The following PARN variants were observed in gnomAD, a reference collection of about 807,000 sequenced individuals.
The protein encoded by PARN is poly(A)-specific ribonuclease PARN.
A neutral mutation model predicts 102.8 loss-of-function variants in PARN; 71 were observed. That is an observed-to-expected ratio of 0.69 (90% confidence interval 0.57 to 0.84). PARN has a LOEUF of 0.84. Among genes scored for constraint, PARN ranks in the 40% least tolerant of loss-of-function variants. The probability of loss-of-function intolerance (pLI) is 0.00; values close to 1 mark genes in which losing one functional copy is unlikely to be tolerated. For missense variants in PARN, 782 were observed against 760.9 expected (o/e 1.03, Z -0.33); for synonymous variants, 261 against 252.9 (o/e 1.03, Z -0.30).
chr16:14,534,692 C>T (rs1966534698), intron 21 of PARN, among the ~76,000 whole-genome samples: 1 of 152,068 alleles, frequency 6.6e-6, no homozygotes, highest in Non-Finnish European at 1.5e-5. Flanking sequence ...GGAGGAGTAG[C>T]AGCTGCTCCT....
chr16:14,473,407 C>T (rs1374642204), intron 22 of PARN, among the ~76,000 whole-genome samples: 1 of 152,190 alleles, frequency 6.6e-6, no homozygotes, highest in Non-Finnish European at 1.5e-5. Context: ...AGAGATTTTG[C>T]TGTGGCGGCT....
chr16:14,536,733 G>C (rs1424454890), intron 21 of PARN, among the ~76,000 whole-genome samples: 1 of 152,130 alleles, frequency 6.6e-6, no homozygotes, highest in Admixed American at 6.5e-5. Flanking sequence ...AGTGGTATGT[G>C]AAACGCTTGT....
chr16:14,521,330 G>A (rs16963767), intron 21 of PARN, among the ~76,000 whole-genome samples: 13,151 of 152,220 alleles, frequency 0.086, 947 homozygotes, highest in African/African-American at 0.2. Flanking sequence ...TTGCCAAAAA[G>A]TTCTATGGCC....
At chr16:14,547,576 A>C (rs2151698675) in intron 21 of PARN, among the ~76,000 whole-genome samples, 1 of 152,120 alleles carries the variant, frequency 6.6e-6, no homozygotes, top group South Asian at 2.1e-4. Context: ...GGGTGTGGTG[A>C]GTGCACACCT....
chr16:14,461,146 A>G (rs545806169), intron 22 of PARN, among the ~76,000 whole-genome samples: 60 of 152,334 alleles, frequency 3.9e-4, no homozygotes, highest in African/African-American at 1.3e-3. Flanking sequence ...TAGCTGGCCA[A>G]TTTCATCCTG....
chr16:14,444,125 C>T (rs1416242097), intron 23 of PARN, among the ~76,000 whole-genome samples: 3 of 152,156 alleles, frequency 2.0e-5, no homozygotes, highest in Non-Finnish European at 4.4e-5. Context: ...CACCTGATAT[C>T]CTGACCTATA....
chr16:14,589,969 G>A (rs190259324), intron 13 of PARN, among the ~76,000 whole-genome samples: 22 of 152,112 alleles, frequency 1.4e-4, no homozygotes, highest in Admixed American at 1.2e-3. Flanking sequence ...CGCAAATCCA[G>A]GCCAAGCCCG....
At chr16:14,504,554 G>A (rs1277626832) in intron 21 of PARN, among the ~76,000 whole-genome samples, 2 of 152,110 alleles carry the variant, frequency 1.3e-5, no homozygotes, top group African/African-American at 2.4e-5. Context: ...GCAAGACTCC[G>A]TCTCAAAAAA....
intron 22 of PARN, among the ~76,000 whole-genome samples, chr16:14,477,390 A>G (rs1420229643): frequency 6.7e-5 from 10 of 148,158 alleles, no homozygotes; most frequent in East Asian, 6.1e-4. Flanking sequence ...ACAGTGAGCC[A>G]AGATTGCACC....
chr16:14,510,376 A>G (rs1255473245), intron 21 of PARN, among the ~76,000 whole-genome samples: 1 of 152,218 alleles, frequency 6.6e-6, no homozygotes, highest in African/African-American at 2.4e-5. Context: ...TGTACCCAGT[A>G]CTGTTATTTT....
chr16:14,552,464 A>G (rs1967368665), intron 20 of PARN, among the ~76,000 whole-genome samples: 2 of 152,180 alleles, frequency 1.3e-5, no homozygotes, highest in African/African-American at 4.8e-5. Flanking sequence ...ACATAGGTTC[A>G]AAAACACAAC....
chr16:14,439,249 G>A (rs1390893047), intron 23 of PARN, among the ~76,000 whole-genome samples: 1 of 151,982 alleles, frequency 6.6e-6, no homozygotes. Flanking sequence ...GCACACACCT[G>A]TGGTCCCAGC....
At chr16:14,553,280 A>G (rs1366530655) in intron 20 of PARN, among the ~76,000 whole-genome samples, 5 of 140,226 alleles carry the variant, frequency 3.6e-5, no homozygotes, top group Non-Finnish European at 7.8e-5. Flanking sequence ...AAAAAAAAAG[A>G]AAGAAAATGA....
chr16:14,628,225 C>G lies in PARN; in HGVS notation c.124G>C (p.Ala42Pro). Residue 42 changes from alanine (A) to proline (P), a missense_variant, in exon 3 of 24, where the codon GCA (alanine) becomes CCA (proline). Ala to Pro is a conservative substitution (Grantham distance 27, BLOSUM62 -1). Transcript: ENST00000437198. ...SGISDGPSVS[A>P]LTNGFDTPEE... ...GGAGTGTCAAAACCATTTGTTAATG[C>G]AGAGACTGAAGGTCCATCACTGATT... 2 of 1,606,100 alleles carry G rather than the reference C, an allele frequency of 1.2e-6. No homozygotes were observed. Among genetic ancestry groups the G allele is most frequent in the Non-Finnish European group, 1.7e-6 (2 of 1,173,480 alleles).
intron 22 of PARN, among the ~76,000 whole-genome samples, chr16:14,451,873 A>C: frequency 7.7e-5 from 8 of 103,242 alleles, no homozygotes; most frequent in Non-Finnish European, 1.3e-4. Flanking sequence ...AAAATACAAA[A>C]AAAAAAAAAA....
In PARN at chr16:14,533,584, C is replaced by A. The variant is rs185272016; in HGVS notation, c.1480+18437G>T. 7.2e-5 allele frequency among the ~76,000 whole-genome samples: 11 copies of A among 152,272 alleles called. 1 individual carries two copies. The East Asian group carries it at 1.9e-3, about 27-fold the overall frequency. On this transcript the variant is annotated intron_variant, in intron 21 of 23. Transcript: ENST00000437198. ...CCCCACAGCTGCTCCACTCCACGTG[C>A]CCTCTGTTTCAGTCATGCCAAAGGA...
intron 21 of PARN, among the ~76,000 whole-genome samples, chr16:14,495,886 T>C (rs1242446880): frequency 1.3e-5 from 2 of 152,016 alleles, no homozygotes; most frequent in African/African-American, 2.4e-5. Context: ...CACCTGGAAG[T>C]TCACTGTTTC....
intron 22 of PARN, among the ~76,000 whole-genome samples, chr16:14,452,883 T>C (rs557842468): frequency 2.0e-5 from 3 of 152,354 alleles, no homozygotes; most frequent in South Asian, 2.1e-4. Flanking sequence ...AAAGTTTTAA[T>C]TATACATTAA....
chr16:14,475,004 A>G (rs996743153), intron 22 of PARN, among the ~76,000 whole-genome samples: 3 of 152,214 alleles, frequency 2.0e-5, no homozygotes, highest in Non-Finnish European at 4.4e-5. Flanking sequence ...GAATCCAAAA[A>G]CCACAGCTTT....
Sources: gnomAD v4.1 joint callset for allele counts (sites outside exome capture counted in the v4.1 genomes callset) on GRCh38, gnomAD v4.1.1 for gene constraint, MANE v1.5 for transcripts, NCBI Gene and HGNC (gene_info 2026-07-23, HGNC 2026-07-21) for gene names.